Variants in KAT6B observed in about 807,000 individuals in gnomAD.
KAT6B encodes the protein histone acetyltransferase KAT6B.
In KAT6B, 10 loss-of-function variants were observed where a neutral mutation model predicts 187.5. The ratio of observed to expected loss-of-function variants is 0.05; its 90% confidence interval spans 0.03 to 0.09. The LOEUF (loss-of-function observed/expected upper bound fraction) is 0.09, where lower values mean the gene tolerates loss of function less well. Among genes scored for constraint, KAT6B ranks in the 10% least tolerant of loss-of-function variants. The pLI is 1.00. For synonymous variants in KAT6B, 861 were observed against 926.8 expected, an observed-to-expected ratio of 0.93 and a Z score of 1.29; for missense variants, 1,952 against 2,558.9, an observed-to-expected ratio of 0.76 and a Z score of 5.12.
At chr10:74,920,264 A>G (rs932964337) in intron 3 of KAT6B, among the ~76,000 whole-genome samples, 2 of 152,212 alleles carry the variant, frequency 1.3e-5, no homozygotes, top group Non-Finnish European at 1.5e-5. Context: ...GGTTACTTAC[A>G]GTTCACTTTC....
intron 3 of KAT6B, among the ~76,000 whole-genome samples, chr10:74,919,910 G>A (rs1300921109): frequency 6.6e-6 from 1 of 151,996 alleles, no homozygotes; most frequent in Non-Finnish European, 1.5e-5. Flanking sequence ...ATCTTTTATA[G>A]TTTATAGTTC....
At chr10:74,917,927 A>G (rs1026363969) in intron 3 of KAT6B, among the ~76,000 whole-genome samples, 1 of 152,256 alleles carries the variant, frequency 6.6e-6, no homozygotes, top group African/African-American at 2.4e-5. Flanking sequence ...GCATGAAACT[A>G]GAAGAGTAGT....
intron 13 of KAT6B, among the ~76,000 whole-genome samples, chr10:74,991,851 A>C (rs900556002): frequency 6.6e-6 from 1 of 152,248 alleles, no homozygotes; most frequent in African/African-American, 2.4e-5. Flanking sequence ...AAAAGTTTTA[A>C]GGAAGATAGA....
intron 1 of KAT6B, among the ~76,000 whole-genome samples, chr10:74,837,241 A>T (rs181211080): frequency 7.2e-5 from 11 of 152,364 alleles, no homozygotes; most frequent in African/African-American, 2.6e-4. Context: ...GTAATGAATG[A>T]TGTAAATAGT....
At chr10:74,995,816 A>G (rs1236925462) in intron 13 of KAT6B, among the ~76,000 whole-genome samples, 1 of 152,228 alleles carries the variant, frequency 6.6e-6, no homozygotes, top group African/African-American at 2.4e-5. Flanking sequence ...TGACTGATAG[A>G]TACTTAGGTA....
Position 75,031,757 on chromosome 10 carries a change from G to A in KAT6B, c.*711G>A, listed in dbSNP as rs41305010. 1.9e-5 allele frequency: 4 copies of A among 209,794 alleles called. No individual in the cohort carries two copies. Among genetic ancestry groups the A allele is most frequent in the Non-Finnish European group, 3.9e-5 (4 of 103,178 alleles). 13.0% of individuals were successfully genotyped at this position (209,794 alleles called of 1,614,324 possible). A position where few individuals can be genotyped will look rare whatever the true frequency, so the allele number is the denominator to read the frequency against. ...TCCATTTTGGTGACAGATTTCTTTG[G>A]GGAAAAAAGGCAGCTTTCTGTTTTA... On this transcript the variant is annotated 3_prime_UTR_variant, in exon 18 of 18. Coordinates refer to ENST00000287239, the MANE Select transcript of KAT6B (RefSeq NM_012330.4).
At chr10:75,022,369 A>G in intron 16 of KAT6B, 138 bp downstream of exon 16, 9 of 981,984 alleles carry the variant, frequency 9.2e-6, no homozygotes, top group Non-Finnish European at 4.9e-6. Flanking sequence ...CGCTGATCAT[A>G]TATCATAATC....
chr10:74,901,326 A>G (rs1171673126), intron 3 of KAT6B, among the ~76,000 whole-genome samples: 1 of 152,214 alleles, frequency 6.6e-6, no homozygotes, highest in African/African-American at 2.4e-5. Context: ...TTTATAAAGA[A>G]ATATTGACGT....
intron 3 of KAT6B, among the ~76,000 whole-genome samples, chr10:74,899,248 A>AATTATTATTATTATTATTATT (rs67324777): frequency 7.0e-6 from 1 of 142,334 alleles, no homozygotes; most frequent in Non-Finnish European, 1.5e-5. Context: ...ATTCTAAATG[A>AATTATTATTATTATTATTATT]ATTATTATTA....
Position 74,845,548 on chromosome 10 carries a change from A to G in KAT6B, c.621+2070A>G, listed in dbSNP as rs552850128. ...AAAAAAAAAAAAAAAACAAAAAAAA[A>G]AAGAAGGAAAGAAATGGTGGTTTTA... On this transcript the variant is annotated intron_variant, in intron 3 of 17. Coordinates refer to ENST00000287239, the MANE Select transcript of KAT6B (RefSeq NM_012330.4). 7.9e-5 allele frequency among the ~76,000 whole-genome samples: 12 copies of G among 150,970 alleles called. No individual in the cohort carries two copies. In the East Asian group the frequency reaches 2.1e-3, roughly 27 times the overall value.
intron 6 of KAT6B, among the ~76,000 whole-genome samples, chr10:74,972,194 A>G (rs1295480248): frequency 1.3e-5 from 2 of 152,152 alleles, no homozygotes; most frequent in African/African-American, 4.8e-5. Context: ...TCAAATCAAA[A>G]GATATAATAT....
intron 3 of KAT6B, among the ~76,000 whole-genome samples, chr10:74,928,588 C>T (rs1480370937): frequency 6.6e-6 from 1 of 152,116 alleles, no homozygotes; most frequent in Non-Finnish European, 1.5e-5. Context: ...CTGGCTTAAT[C>T]ACTGGTGGGG....
At position 75,030,963 on chromosome 10, in the gene KAT6B, A is replaced by G; in HGVS notation, c.6139A>G (p.Met2047Val). The G allele has an allele frequency of 6.2e-7, 1 of 1,614,162 alleles. No homozygotes were observed. The highest frequency in any genetic ancestry group is 8.5e-7 in the Non-Finnish European group (1 of 1,180,034). ...GCAGACCCCACCCCACGGTAACATG[A>G]TGTACACGGCCCCCGGACATCACGG... ...PMQTPPHGNM[M>V]YTAPGHHGYM... The change falls in exon 18 of 18, where the codon ATG (methionine) becomes GTG (valine). Residue 2047 changes from methionine (M) to valine (V), a missense_variant. This residue lies in a region of KAT6B where 358 missense variants were observed against 436.3 expected (regional missense o/e 0.82). Transcript: ENST00000287239. The surrounding 1 kb of genome is among the most constrained non-coding windows in gnomAD (Gnocchi z 4.8).
At position 74,968,972 on chromosome 10, in the gene KAT6B, GA is replaced by G. The variant is rs1841673139; in HGVS notation, c.731-686del. Among the ~76,000 whole-genome samples, 10 of 152,080 alleles carry G rather than the reference GA, an allele frequency of 6.6e-5. 1 individual carries two copies. In the South Asian group the frequency reaches 2.1e-3, roughly 32 times the overall value. The stretch of plus-strand genomic sequence containing the variant: ...GTGTGCCCCAAACAGGAAAATGGGG[GA>G]ACCTGCTGAGGCCACACTTCTTGGT... On this transcript the variant is annotated intron_variant, in intron 4 of 17. Transcript: ENST00000287239.
At chr10:74,928,479 G>T (rs1344746712) in intron 3 of KAT6B, among the ~76,000 whole-genome samples, 19 of 152,144 alleles carry the variant, frequency 1.2e-4, no homozygotes, top group Non-Finnish European at 1.0e-4. Context: ...ATGAGTGCAG[G>T]AAGGGAGATG....
intron 3 of KAT6B, among the ~76,000 whole-genome samples, chr10:74,947,783 C>T (rs1589684333): frequency 6.6e-6 from 1 of 152,302 alleles, no homozygotes; most frequent in East Asian, 1.9e-4. Context: ...AGGGGAAGGC[C>T]TTGTCATGCC....
intron 3 of KAT6B, among the ~76,000 whole-genome samples, chr10:74,933,907 C>T (rs1029764344): frequency 4.6e-5 from 7 of 152,124 alleles, no homozygotes; most frequent in South Asian, 2.1e-4. Flanking sequence ...TACAATTGGC[C>T]GGGTGCGGTG....
At chr10:74,934,316 T>C (rs559368835) in intron 3 of KAT6B, among the ~76,000 whole-genome samples, 2 of 152,338 alleles carry the variant, frequency 1.3e-5, no homozygotes, top group South Asian at 2.1e-4. Context: ...CTGAAAACTT[T>C]ATTGAATTTA....
chr10:74,903,017 A>G (rs1188306591), intron 3 of KAT6B, among the ~76,000 whole-genome samples: 1 of 152,228 alleles, frequency 6.6e-6, no homozygotes, highest in African/African-American at 2.4e-5. Context: ...AAGAAGGAAA[A>G]AGTAACAATG....
Sources: allele counts gnomAD v4.1 joint callset (sites outside exome capture counted in the v4.1 genomes callset), GRCh38; gene constraint gnomAD v4.1.1; regional missense constraint gnomAD v4.1.1; non-coding constraint Gnocchi (gnomAD v3.1); transcripts MANE v1.5; gene names NCBI Gene and HGNC (gene_info 2026-07-23, HGNC 2026-07-21).